SMURF2: variants seen among roughly 807,000 people sequenced by gnomAD.
SMURF2 encodes the protein SMAD specific E3 ubiquitin protein ligase 2.
SMURF2 carries 48 observed loss-of-function variants against 109.6 expected under a neutral mutation model. The ratio of observed to expected loss-of-function variants is 0.44; its 90% CI spans 0.35 to 0.56. The LOEUF is 0.56. SMURF2 is among the 20% of genes least tolerant of loss of function. The pLI is 0.01. For synonymous variants in SMURF2, 288 were observed against 317.1 expected, an observed-to-expected ratio of 0.91 and a Z score of 0.97; for missense variants, 575 against 909.0, an observed-to-expected ratio of 0.63 and a Z score of 4.72.
At chr17:64,591,177 G>A (rs782627934) in intron 4 of SMURF2, 28 bp from the exon 5 acceptor site, 51 of 1,561,904 alleles carry the variant, frequency 3.3e-5, no homozygotes, top group Admixed American at 2.4e-4. Flanking sequence ...AGAAAGCAAC[G>A]AAAAAATTAG....
chr17:64,562,065 C>G (rs540042663), intron 11 of SMURF2, among the ~76,000 whole-genome samples: 2 of 151,818 alleles, frequency 1.3e-5, no homozygotes, highest in African/African-American at 4.8e-5. Flanking sequence ...GAGGCTGAGG[C>G]GGGCATATCA....
chr17:64,611,840 C>CTTG (rs1555689626), intron 1 of SMURF2, among the ~76,000 whole-genome samples: 1 of 152,174 alleles, frequency 6.6e-6, no homozygotes, highest in East Asian at 1.9e-4. Flanking sequence ...CTTCAATGCC[C>CTTG]TTCAAGCCCT....
intron 3 of SMURF2, among the ~76,000 whole-genome samples, chr17:64,596,106 A>G (rs1969812893): frequency 6.6e-6 from 1 of 152,190 alleles, no homozygotes; most frequent in Non-Finnish European, 1.5e-5. Flanking sequence ...ATATGTATAT[A>G]TACATATATG....
At position 64,634,736 on chromosome 17, in the gene SMURF2, A is replaced by C. The variant is rs139658358; in HGVS notation, c.52+27093T>G. ...TGAATGGGGCTTGGGGACAGAGCAG[A>C]AATAAACATATTTGTTCAATTCAAG... On this transcript the variant is annotated intron_variant, in intron 1 of 18. Coordinates refer to ENST00000262435, the MANE Select transcript of SMURF2 (RefSeq NM_022739.4). Among the ~76,000 whole-genome samples the C allele has an allele frequency of 2.6e-5, 4 of 152,282 alleles. No individual in the cohort carries two copies. The East Asian group carries it at 7.7e-4, about 29-fold the overall frequency.
In SMURF2 at chr17:64,580,776, G is replaced by A. The variant is rs781976889; in HGVS notation, c.772+13C>T. 16 of 1,610,484 alleles carry A rather than the reference G, an allele frequency of 9.9e-6. No homozygotes were observed. In the South Asian group the frequency reaches 1.5e-4, roughly 16 times the overall value. ...GTAAACCACATTTTATTTTTCCTTT[G>A]TAGTTGTCATACCATAGCCTTCTGG... On this transcript the variant is annotated intron_variant, in intron 8 of 18. Transcript: ENST00000262435.
intron 15 of SMURF2, among the ~76,000 whole-genome samples, chr17:64,552,696 C>T (rs1568171286): frequency 6.6e-6 from 1 of 152,004 alleles, no homozygotes; most frequent in East Asian, 1.9e-4. Context: ...CTCATTTGTT[C>T]TTTTTTTATT....
intron 1 of SMURF2, among the ~76,000 whole-genome samples, chr17:64,652,252 A>T (rs1555693572): frequency 6.6e-6 from 1 of 152,254 alleles, no homozygotes; most frequent in African/African-American, 2.4e-5. Context: ...TAATAAAAAT[A>T]ATATCTGTCA....
At chr17:64,576,669 C>T (rs1969495672) in intron 9 of SMURF2, among the ~76,000 whole-genome samples, 1 of 151,780 alleles carries the variant, frequency 6.6e-6, no homozygotes, top group Non-Finnish European at 1.5e-5. Context: ...ATCTCAAAAA[C>T]ATTAATTAAT....
chr17:64,593,300 C>T (rs1969773886), intron 4 of SMURF2, 140 bp downstream of exon 4: 3 of 618,194 alleles, frequency 4.9e-6, no homozygotes, highest in Admixed American at 4.7e-5. Flanking sequence ...GCCCTACCAA[C>T]ATACTCAAAT....
At chr17:64,553,541 A>C (rs562619972) in intron 15 of SMURF2, among the ~76,000 whole-genome samples, 5 of 152,248 alleles carry the variant, frequency 3.3e-5, no homozygotes, top group South Asian at 2.1e-4. Flanking sequence ...AAACAAAAAA[A>C]AAACCATGGA....
At chr17:64,606,496 A>G (rs1598292695) in intron 2 of SMURF2, 106 bp downstream of exon 2, 4 of 828,862 alleles carry the variant, frequency 4.8e-6, no homozygotes, top group Middle Eastern at 4.6e-4. Flanking sequence ...ATAAAATAAC[A>G]CTGACAATAC....
intron 1 of SMURF2, among the ~76,000 whole-genome samples, chr17:64,659,652 T>C (rs1244981902): frequency 1.3e-5 from 2 of 152,094 alleles, no homozygotes; most frequent in Non-Finnish European, 2.9e-5. Context: ...CCCTGTCATT[T>C]ATCCAGTCAG....
At chr17:64,548,994 TA>T (rs1398637770) in intron 16 of SMURF2, among the ~76,000 whole-genome samples, 1 of 151,970 alleles carries the variant, frequency 6.6e-6, no homozygotes, top group Admixed American at 6.6e-5. Context: ...ATATTGTCTT[TA>T]AAAATTGGTA....
At chr17:64,647,015 T>C (rs1347927491) in intron 1 of SMURF2, among the ~76,000 whole-genome samples, 1 of 152,182 alleles carries the variant, frequency 6.6e-6, no homozygotes, top group Non-Finnish European at 1.5e-5. Flanking sequence ...CCATTAACTC[T>C]AGCACTGACT....
chr17:64,570,303 G>C (rs991375609), intron 10 of SMURF2, among the ~76,000 whole-genome samples: 41 of 152,170 alleles, frequency 2.7e-4, no homozygotes, highest in African/African-American at 9.7e-4. Context: ...AGACAGAGCA[G>C]GTAATGTCAC....
intron 1 of SMURF2, among the ~76,000 whole-genome samples, chr17:64,607,996 CATAAATAA>C (rs55747507): frequency 0.012 from 1,572 of 135,680 alleles, 13 homozygotes; most frequent in African/African-American, 0.027. Flanking sequence ...AAGACTCTGT[CATAAATAA>C]ATAAATAAAT....
chr17:64,574,273 G>C (rs1236298921), intron 9 of SMURF2, among the ~76,000 whole-genome samples: 4 of 152,128 alleles, frequency 2.6e-5, no homozygotes, highest in Non-Finnish European at 5.9e-5. Context: ...CAAAACACTA[G>C]AAATAATCTT....
At chr17:64,619,689 C>T (rs947379594) in intron 1 of SMURF2, among the ~76,000 whole-genome samples, 4 of 151,918 alleles carry the variant, frequency 2.6e-5, no homozygotes, top group Non-Finnish European at 4.4e-5. Flanking sequence ...CCACCTTCTC[C>T]CTGTATGCTT....
intron 5 of SMURF2, among the ~76,000 whole-genome samples, chr17:64,589,616 T>C (rs1315705942): frequency 2.6e-5 from 4 of 151,754 alleles, no homozygotes; most frequent in Admixed American, 2.0e-4. Flanking sequence ...TAGATTCTCA[T>C]AGGAGCACGA....
Sources: gnomAD v4.1 joint callset for allele counts (sites outside exome capture counted in the v4.1 genomes callset) on GRCh38, gnomAD v4.1.1 for gene constraint, MANE v1.5 for transcripts, NCBI Gene and HGNC (gene_info 2026-07-23, HGNC 2026-07-21) for gene names.